The following AKAP13 variants were observed in gnomAD, a reference collection of about 807,000 sequenced individuals.
The protein encoded by AKAP13 is A-kinase anchor protein 13.
A neutral mutation model predicts 264.5 loss-of-function variants in AKAP13; 80 were observed. That is an observed-to-expected ratio of 0.30 (90% CI 0.25 to 0.36). AKAP13 has a LOEUF of 0.36. Ranked by LOEUF, AKAP13 falls within the 10% of genes least tolerant of loss-of-function variation. The probability of loss-of-function intolerance (pLI) is 1.00; values close to 1 mark genes in which losing one functional copy is unlikely to be tolerated. For synonymous variants in AKAP13, 1,380 were observed against 1,250.2 expected, an observed-to-expected ratio of 1.10 and a Z score of -2.19; for missense variants, 3,712 against 3,435.2, an observed-to-expected ratio of 1.08 and a Z score of -2.01.
intron 17 of AKAP13, among the ~76,000 whole-genome samples, chr15:85,693,843 G>T (rs1418096981): frequency 1.3e-5 from 2 of 152,210 alleles, no homozygotes; most frequent in African/African-American, 2.4e-5. Flanking sequence ...CTTTGTGCTA[G>T]ATAATTTTGG....
intron 30 of AKAP13, 24 bp from the exon 31 acceptor site, chr15:85,734,968 C>A: frequency 6.2e-7 from 1 of 1,609,284 alleles, no homozygotes; most frequent in South Asian, 1.1e-5. Context: ...AAGATGTCAG[C>A]TTTGCATGTT....
At chr15:85,651,085 A>T (rs934810072) in intron 10 of AKAP13, among the ~76,000 whole-genome samples, 4 of 152,198 alleles carry the variant, frequency 2.6e-5, no homozygotes, top group African/African-American at 9.6e-5. Flanking sequence ...TAGTAATAAG[A>T]TATAAAGTAT....
At chr15:85,462,893 G>A (rs2074571673) in intron 1 of AKAP13, among the ~76,000 whole-genome samples, 1 of 149,616 alleles carries the variant, frequency 6.7e-6, no homozygotes, top group Admixed American at 6.6e-5. Context: ...GCGTAGTGGC[G>A]GGCACCTGTA....
At chr15:85,540,983 A>G (rs888511250) in intron 4 of AKAP13, among the ~76,000 whole-genome samples, 1 of 152,242 alleles carries the variant, frequency 6.6e-6, no homozygotes, top group Non-Finnish European at 1.5e-5. Context: ...TAGAACAGGC[A>G]AAACTAATGT....
At chr15:85,578,299 A>G (rs1167896185) in intron 6 of AKAP13, among the ~76,000 whole-genome samples, 2 of 152,194 alleles carry the variant, frequency 1.3e-5, no homozygotes, top group Admixed American at 6.5e-5. Context: ...TAGCAGCTCA[A>G]TTGAAGATAT....
chr15:85,730,690 A>C lies in AKAP13; in HGVS notation c.7265A>C (p.Lys2422Thr), dbSNP rs1195195211. ...EEALKGGPLM[K>T]SAINEVEILQ... is the part of the protein sequence containing the mutation. ...GCTCTCAAAGGAGGACCTTTAATGA[A>C]AAGTGCAATAAATGAGGGTAATTAA... The change falls in exon 30 of 37, where the codon AAA (lysine) becomes ACA (threonine). Residue 2422 changes from lysine (K) to threonine (T), a missense_variant. Around this residue, in one of 3 missense-constraint regions of AKAP13, gnomAD observed 611 missense variants for 539.3 expected, o/e 1.13. Transcript: ENST00000394518. 2 of 1,613,390 alleles carry C rather than the reference A, an allele frequency of 1.2e-6. No homozygotes were observed. Among genetic ancestry groups the C allele is most frequent in the Non-Finnish European group, 1.7e-6 (2 of 1,179,590 alleles).
At position 85,505,108 on chromosome 15, in the gene AKAP13, T is replaced by A. The variant is rs759921247; in HGVS notation, c.34-16320T>A. Among the ~76,000 whole-genome samples the A allele has an allele frequency of 2.0e-5, 3 of 152,242 alleles. No homozygotes were observed. The South Asian group carries it at 6.2e-4, about 32-fold the overall frequency. ...TTACACTCTTACAATTTTTCAACAC[T>A]CTCTTCCTTTTAAGGAATACTTCTC... On this transcript the variant is annotated intron_variant, in intron 2 of 36. Transcript: ENST00000394518.
At chr15:85,576,833 T>C (rs2079031402) in intron 6 of AKAP13, among the ~76,000 whole-genome samples, 1 of 152,214 alleles carries the variant, frequency 6.6e-6, no homozygotes, top group Non-Finnish European at 1.5e-5. Context: ...GGTAGTTCAC[T>C]TGAAAATATA....
chr15:85,657,044 G>A (rs768953928), intron 11 of AKAP13, among the ~76,000 whole-genome samples: 17 of 152,092 alleles, frequency 1.1e-4, no homozygotes, highest in Non-Finnish European at 2.2e-4. Context: ...TACTCGAGAG[G>A]ATGAGATGGG....
chr15:85,589,047 A>C (rs571288961), intron 8 of AKAP13, among the ~76,000 whole-genome samples: 3 of 152,206 alleles, frequency 2.0e-5, no homozygotes, highest in Non-Finnish European at 4.4e-5. Flanking sequence ...TTGTGTTCAC[A>C]GCATTCTTAT....
At chr15:85,663,036 A>G (rs1288859647) in intron 12 of AKAP13, among the ~76,000 whole-genome samples, 9 of 152,174 alleles carry the variant, frequency 5.9e-5, no homozygotes, top group Non-Finnish European at 1.5e-5. Context: ...CAGGCCAGGC[A>G]TGGTGGCTCA....
intron 6 of AKAP13, among the ~76,000 whole-genome samples, chr15:85,576,532 A>AG (rs201737511): frequency 0.052 from 7,906 of 152,284 alleles, 656 homozygotes; most frequent in African/African-American, 0.18. Context: ...TGGGCATAAC[A>AG]TCTGAAAGGC....
At chr15:85,741,716 AC>A (rs372849753) in intron 35 of AKAP13, among the ~76,000 whole-genome samples, 68 of 78,408 alleles carry the variant, frequency 8.7e-4, no homozygotes, top group South Asian at 4.3e-3. Flanking sequence ...AAAAAAAAAA[AC>A]AAACAAACAA....
At chr15:85,741,839 G>GT (rs1376808533) in intron 35 of AKAP13, among the ~76,000 whole-genome samples, 1 of 152,084 alleles carries the variant, frequency 6.6e-6, no homozygotes, top group Non-Finnish European at 1.5e-5. Context: ...GAGGCCAGGA[G>GT]TTTGAGACCA....
At chr15:85,736,470 T>C (rs751432531) in intron 33 of AKAP13, among the ~76,000 whole-genome samples, 2 of 152,074 alleles carry the variant, frequency 1.3e-5, no homozygotes, top group Non-Finnish European at 2.9e-5. Context: ...GGTCTCACTC[T>C]ATCGCCCAGC....
chr15:85,699,672 T>G (rs1266438396), intron 17 of AKAP13, among the ~76,000 whole-genome samples: 1 of 152,236 alleles, frequency 6.6e-6, no homozygotes, highest in Non-Finnish European at 1.5e-5. Context: ...TCTAGTTATT[T>G]ATCAGCTGAT....
At chr15:85,403,069 T>C (rs1167076175) in intron 1 of AKAP13, among the ~76,000 whole-genome samples, 2 of 152,282 alleles carry the variant, frequency 1.3e-5, no homozygotes, top group East Asian at 3.9e-4. Context: ...GATTATATTG[T>C]ATATACCATT....
At chr15:85,612,825 C>CAAAA (rs1221143046) in intron 8 of AKAP13, among the ~76,000 whole-genome samples, 2 of 41,232 alleles carry the variant, frequency 4.9e-5, no homozygotes, top group African/African-American at 1.4e-4. Flanking sequence ...CCCTGTCTCA[C>CAAAA]AAAAAAAAAA....
intron 1 of AKAP13, among the ~76,000 whole-genome samples, chr15:85,430,959 G>T (rs903258175): frequency 6.6e-6 from 1 of 152,138 alleles, no homozygotes. Flanking sequence ...TGTTGCCCCA[G>T]GACCAGGCCA....
Sources: gnomAD v4.1 joint callset for allele counts (sites outside exome capture counted in the v4.1 genomes callset) on GRCh38, gnomAD v4.1.1 for gene constraint, gnomAD v4.1.1 regional missense constraint, MANE v1.5 for transcripts, NCBI Gene and HGNC (gene_info 2026-07-23, HGNC 2026-07-21) for gene names.